Variants in PRKD2 observed in about 807,000 individuals in gnomAD.
PRKD2 encodes the protein serine/threonine-protein kinase D2.
Under a neutral mutation model 86.0 loss-of-function variants are expected in PRKD2, and 22 were observed. The ratio of observed to expected loss-of-function variants is 0.26; its 90% CI spans 0.18 to 0.37. The LOEUF is 0.37. PRKD2 is among the 10% of genes least tolerant of loss of function. The pLI is 1.00. For synonymous variants in PRKD2, 509 were observed against 510.9 expected, an observed-to-expected ratio of 1.00 and a Z score of 0.05; for missense variants, 818 against 1,199.2, an observed-to-expected ratio of 0.68 and a Z score of 4.70.
chr19:46,688,323 C>G (rs1270038283), intron 14 of PRKD2, among the ~76,000 whole-genome samples: 1 of 151,904 alleles, frequency 6.6e-6, no homozygotes, highest in African/African-American at 2.4e-5. Flanking sequence ...CTAGATGAGT[C>G]AAGTCAGGTC....
intron 3 of PRKD2, among the ~76,000 whole-genome samples, chr19:46,708,258 G>T (rs572401227): frequency 1.3e-5 from 2 of 150,106 alleles, no homozygotes; most frequent in Admixed American, 1.3e-4. Context: ...AGGTAATTAA[G>T]GTTAATTGAG....
intron 17 of PRKD2, 89 bp from the exon 18 acceptor site, chr19:46,674,824 A>C: frequency 7.1e-7 from 1 of 1,399,536 alleles, no homozygotes; most frequent in South Asian, 1.3e-5. Flanking sequence ...GCTGGGTACC[A>C]ATGAAGGTGA....
Position 46,687,211 on chromosome 19 carries a change from A to G in PRKD2, c.1971+2326T>C, listed in dbSNP as rs538383210. On this transcript the variant is annotated intron_variant, in intron 14 of 17. Coordinates refer to ENST00000291281, the MANE Select transcript of PRKD2 (RefSeq NM_016457.5). ...AGTTGAAGACCAGCCTGGGCAACAT[A>G]GCAAGTCTTTATAAAAATGTCTTTA... is the stretch of plus-strand genomic sequence containing the variant. 4.6e-5 allele frequency among the ~76,000 whole-genome samples: 7 copies of G among 152,200 alleles called. No homozygotes were observed. In the South Asian group the frequency reaches 1.5e-3, roughly 32 times the overall value.
In PRKD2 at chr19:46,716,275, T is replaced by G. The variant is rs1303305223; in HGVS notation, c.96A>C (p.Pro32=). Residue 32 remains proline (P), a synonymous_variant, in exon 1 of 18, where the codon CCA becomes CCC. Transcript: ENST00000291281. This position sits in a 1 kb window ranked among gnomAD's most constrained non-coding sequence, Gnocchi z 7.9. ...PPGGLELQSP[P]PLLPQIPAPG... ...GGGCCGGGATCTGGGGCAGTAGCGG[T>G]GGCGGCGACTGCAGCTCTAGGCCGC... 6.3e-7 allele frequency: 1 copy of G among 1,583,590 alleles called. No individual in the cohort carries two copies. Among genetic ancestry groups the G allele is most frequent in the East Asian group, 2.4e-5 (1 of 42,310 alleles).
chr19:46,697,626 G>T, intron 8 of PRKD2, 107 bp downstream of exon 8: 1 of 1,024,338 alleles, frequency 9.8e-7, no homozygotes, highest in Non-Finnish European at 1.5e-6. Context: ...TACTGGCCCC[G>T]CTCGCGCCTA....
In PRKD2 at chr19:46,697,869, G is replaced by A. The variant is rs1220780650; in HGVS notation, c.1122-19C>T. ...CAGGGAGCTGCGAAGGAAGAGGAAG[G>A]GGTGAGAAGTCACATGCAGAAAGTG... is the stretch of plus-strand genomic sequence containing the variant. On this transcript the variant is annotated intron_variant, in intron 7 of 17. Coordinates refer to ENST00000291281, the MANE Select transcript of PRKD2 (RefSeq NM_016457.5). 1 of 1,589,690 alleles carries A rather than the reference G, an allele frequency of 6.3e-7. No individual in the cohort carries two copies. The highest frequency in any genetic ancestry group is 1.1e-5 in the South Asian group (1 of 90,554).
chr19:46,701,290 CG>C (rs369906343), intron 5 of PRKD2, among the ~76,000 whole-genome samples, 178 bp from the exon 6 acceptor site: 5 of 151,576 alleles, frequency 3.3e-5, no homozygotes, highest in South Asian at 4.2e-4. Flanking sequence ...TCCCAACCAT[CG>C]GGGGGGTCTT....
chr19:46,711,072 C>T (rs774051503), intron 2 of PRKD2, 34 bp from the exon 3 acceptor site: 9 of 1,550,648 alleles, frequency 5.8e-6, no homozygotes, highest in East Asian at 2.4e-5. Context: ...ATGCTTGAGG[C>T]GGGGTAGGCC....
At chr19:46,714,379 T>A (rs1043234794) in intron 1 of PRKD2, 2 of 919,264 alleles carry the variant, frequency 2.2e-6, no homozygotes, top group Non-Finnish European at 2.6e-6. Context: ...CCAGCTTCCT[T>A]CCTGGATCTG....
chr19:46,675,190 G>C, intron 16 of PRKD2, 72 bp from the exon 17 acceptor site: 13 of 1,306,350 alleles, frequency 1.0e-5, no homozygotes, highest in Non-Finnish European at 1.4e-5. Context: ...GCACCCCCTA[G>C]CCTACCTGCC....
rs552901938 is a variant in PRKD2 at position 46,690,630 on chromosome 19, G to A, written c.1779C>T (p.Ser593=). 9.3e-6 allele frequency: 15 copies of A among 1,614,210 alleles called. No homozygotes were observed. The South Asian group carries it at 1.5e-4, about 17-fold the overall frequency. The change falls in exon 13 of 18, where the codon AGC becomes AGT. Residue 593 remains serine (S), a synonymous_variant. Coordinates refer to ENST00000291281, the MANE Select transcript of PRKD2 (RefSeq NM_016457.5). ...DKLRFPTKQE[S]QLRNEVAILQ... is the part of the protein sequence containing the mutation. ...GAATGGCCACTTCATTCCGGAGCTG[G>A]CTCTCCTGCTTGGTAGGGAAGCGCA...
chr19:46,689,559 A>C lies in PRKD2; in HGVS notation c.1949T>G (p.Leu650Arg). 6.2e-7 allele frequency: 1 copy of C among 1,610,558 alleles called. No individual in the cohort carries two copies. The highest frequency in any genetic ancestry group is 8.5e-7 in the Non-Finnish European group (1 of 1,178,700). The change falls in exon 14 of 18, where the codon CTC becomes CGC. Residue 650 changes from leucine (L) to arginine (R), a missense_variant. Leu to Arg is a moderately radical substitution (Grantham distance 102, BLOSUM62 -2). Transcript: ENST00000291281. ...CACCTGGGTGATGAGGAACTTGGTGAGGCGCTCAGGCAGCCGGCCCTTCTC... is the reference window on the plus strand; with the variant it reads ...CACCTGGGTGATGAGGAACTTGGTGCGGCGCTCAGGCAGCCGGCCCTTCTC... ...SSEKGRLPER[L>R]TKFLITQILV...
rs549908097 is a variant in PRKD2, at chr19:46,700,963, G to A, written c.968-11C>T. The A allele has an allele frequency of 6.3e-5, 102 of 1,614,174 alleles. No homozygotes were observed. The East Asian group carries it at 6.9e-4, about 11-fold the overall frequency. ...CCTCCATCGGCACATCTGTGGGGAC[G>A]GAGGCATCAGAGGGGTCTCCACCCA... On this transcript the variant is annotated splice_polypyrimidine_tract_variant and intron_variant, in intron 6 of 17. Coordinates refer to ENST00000291281, the MANE Select transcript of PRKD2 (RefSeq NM_016457.5).
intron 15 of PRKD2, among the ~76,000 whole-genome samples, chr19:46,679,245 G>A (rs1030240000): frequency 3.3e-5 from 5 of 152,032 alleles, no homozygotes; most frequent in African/African-American, 9.7e-5. Context: ...CAGGAGAATC[G>A]CCTGAACCTG....
At position 46,711,057 on chromosome 19, in the gene PRKD2, G is replaced by A; in HGVS notation, c.380-19C>T. 1.9e-6 allele frequency: 3 copies of A among 1,571,108 alleles called. No individual in the cohort carries two copies. Among genetic ancestry groups the A allele is most frequent in the Non-Finnish European group, 1.7e-6 (2 of 1,156,418 alleles). On this transcript the variant is annotated intron_variant, in intron 2 of 17. Transcript: ENST00000291281. ...GCCGAGGCTGTAGGCGGAAAATAGG[G>A]GTGGATGCTTGAGGCGGGGTAGGCC...
intron 2 of PRKD2, among the ~76,000 whole-genome samples, chr19:46,711,788 C>T (rs1030842366): frequency 2.0e-5 from 3 of 152,048 alleles, no homozygotes; most frequent in East Asian, 1.9e-4. Context: ...CATGGATAGG[C>T]GGTGCCCGGT....
At position 46,684,693 on chromosome 19, in the gene PRKD2, G is replaced by A. The variant is rs146968918; in HGVS notation, c.1972-2945C>T. Among the ~76,000 whole-genome samples, 353 of 152,242 alleles carry A rather than the reference G, an allele frequency of 2.3e-3. 1 individual carries two copies. The highest frequency in any genetic ancestry group is 7.8e-3 in the African/African-American group (326 of 41,572). On this transcript the variant is annotated intron_variant, in intron 14 of 17. Transcript: ENST00000291281. Reference sequence around the variant, plus strand: ...AAAGAGGGCAGGTTAGGCCGGGCACGGTGGCTTACGCCTGTAATCCCAGCA... The same window carrying A: ...AAAGAGGGCAGGTTAGGCCGGGCACAGTGGCTTACGCCTGTAATCCCAGCA...
At chr19:46,706,948 A>G (rs1185976395) in intron 3 of PRKD2, among the ~76,000 whole-genome samples, 5 of 147,890 alleles carry the variant, frequency 3.4e-5, no homozygotes, top group Admixed American at 2.0e-4. Flanking sequence ...GCTGGAGTGC[A>G]ATGGTATGAT....
At chr19:46,694,464 G>A (rs1311662061) in intron 9 of PRKD2, among the ~76,000 whole-genome samples, 1 of 152,096 alleles carries the variant, frequency 6.6e-6, no homozygotes, top group Non-Finnish European at 1.5e-5. Flanking sequence ...GCGTGGTGGT[G>A]TGCGCCTGTA....
Sources: allele counts gnomAD v4.1 joint callset (sites outside exome capture counted in the v4.1 genomes callset), GRCh38; gene constraint gnomAD v4.1.1; non-coding constraint Gnocchi (gnomAD v3.1); transcripts MANE v1.5; gene names NCBI Gene and HGNC (gene_info 2026-07-23, HGNC 2026-07-21).